Variants in GLRA2 observed in about 807,000 individuals in gnomAD.
GLRA2 encodes the protein glycine receptor subunit alpha-2.
In GLRA2, 11 loss-of-function variants were observed where a neutral mutation model predicts 31.6. That is an observed-to-expected ratio of 0.35 (90% CI 0.22 to 0.58). GLRA2 has a LOEUF of 0.58. GLRA2 is among the 20% of genes least tolerant of loss of function. The probability of loss-of-function intolerance (pLI) is 0.84; values close to 1 mark genes in which losing one functional copy is unlikely to be tolerated. For synonymous variants in GLRA2, 132 were observed against 134.0 expected, an observed-to-expected ratio of 0.99 and a Z score of 0.10; for missense variants, 212 against 351.8, an observed-to-expected ratio of 0.60 and a Z score of 3.18.
chrX:14,532,915 A>T (rs1013055595), intron 2 of GLRA2, among the ~76,000 whole-genome samples: 1 of 110,390 alleles, frequency 9.1e-6, no homozygotes, highest in Non-Finnish European at 1.9e-5. Flanking sequence ...TTTATTTGAA[A>T]TCAACAAAGA....
intron 8 of GLRA2, among the ~76,000 whole-genome samples, chrX:14,704,880 A>G (rs1055082992): frequency 2.7e-5 from 3 of 112,288 alleles, no homozygotes; most frequent in Admixed American, 9.4e-5. Context: ...TCAGAAAAAA[A>G]GTACAAAAAT....
chrX:14,486,639 A>G, the GLRA2 span, among the ~76,000 whole-genome samples: 1 of 112,039 alleles, frequency 8.9e-6, no homozygotes, highest in South Asian at 3.7e-4. Context: ...ATGAGATGAC[A>G]TTTTATGCCT....
intron 6 of GLRA2, among the ~76,000 whole-genome samples, chrX:14,607,702 C>A (rs1165688792): frequency 3.6e-5 from 4 of 111,455 alleles, no homozygotes. Context: ...GGGACAATAA[C>A]ACAGGTCTTT....
At chrX:14,537,564 C>G (rs1446933876) in intron 2 of GLRA2, among the ~76,000 whole-genome samples, 1 of 111,038 alleles carries the variant, frequency 9.0e-6, no homozygotes, top group Non-Finnish European at 1.9e-5. Context: ...AATCCCTTGT[C>G]CAATAACTAT....
At chrX:14,687,653 A>G (rs2091294991) in intron 7 of GLRA2, among the ~76,000 whole-genome samples, 2 of 112,039 alleles carry the variant, frequency 1.8e-5, no homozygotes, top group South Asian at 3.7e-4. Flanking sequence ...TTTCAGCTCT[A>G]TCAGGTCATT....
At chrX:14,550,663 A>G (rs1224784090) in intron 2 of GLRA2, among the ~76,000 whole-genome samples, 2 of 111,637 alleles carry the variant, frequency 1.8e-5, no homozygotes, top group African/African-American at 3.3e-5. Context: ...AGGACAGACC[A>G]CAAAGATTCA....
chrX:14,524,660 T>C (rs1767082204), upstream of GLRA2, among the ~76,000 whole-genome samples: 1 of 111,601 alleles, frequency 9.0e-6, no homozygotes, highest in Non-Finnish European at 1.9e-5. Flanking sequence ...ACACAGGATA[T>C]TGATATATTG....
chrX:14,676,077 C>T (rs745620330), intron 7 of GLRA2, among the ~76,000 whole-genome samples: 2 of 112,496 alleles, frequency 1.8e-5, no homozygotes, highest in South Asian at 7.2e-4. Context: ...CTGTGGCCAA[C>T]AGTTATCTCT....
chrX:14,505,627 G>C, the GLRA2 span, among the ~76,000 whole-genome samples: 1 of 111,907 alleles, frequency 8.9e-6, no homozygotes, highest in Non-Finnish European at 1.9e-5. Flanking sequence ...TTTATTTCTT[G>C]GGATTTCAGT....
chrX:14,583,871 T>A (rs1213987901), intron 4 of GLRA2, among the ~76,000 whole-genome samples: 2 of 112,281 alleles, frequency 1.8e-5, no homozygotes, highest in East Asian at 5.6e-4. Flanking sequence ...GAGGGCATTA[T>A]CCTAAGTGAA....
intron 4 of GLRA2, among the ~76,000 whole-genome samples, chrX:14,590,271 C>A (rs908150436): frequency 9.0e-6 from 1 of 110,973 alleles, no homozygotes; most frequent in African/African-American, 3.3e-5. Context: ...GGGATTGACA[C>A]GCTTTTCCCT....
chrX:14,627,613 C>T (rs939522824), intron 7 of GLRA2, among the ~76,000 whole-genome samples: 2 of 111,329 alleles, frequency 1.8e-5, no homozygotes, highest in Non-Finnish European at 3.8e-5. Flanking sequence ...GTAAATCCTC[C>T]ATCTAGTTCT....
At chrX:14,686,741 C>T (rs1364826767) in intron 7 of GLRA2, among the ~76,000 whole-genome samples, 1 of 111,636 alleles carries the variant, frequency 9.0e-6, no homozygotes, top group Non-Finnish European at 1.9e-5. Flanking sequence ...CTGAATACAG[C>T]ACACTGATGG....
chrX:14,595,380 A>T (rs760933733), intron 4 of GLRA2, among the ~76,000 whole-genome samples: 2 of 111,800 alleles, frequency 1.8e-5, no homozygotes, highest in East Asian at 5.6e-4. Flanking sequence ...CCAACAATTT[A>T]TACACCATTA....
chrX:14,548,827 G>T (rs1279314790), intron 2 of GLRA2, among the ~76,000 whole-genome samples: 2 of 111,707 alleles, frequency 1.8e-5, no homozygotes, highest in Non-Finnish European at 3.8e-5. Flanking sequence ...GTAATTTCAG[G>T]TTCACTTCAT....
chrX:14,693,653 G>A (rs1401510552), intron 8 of GLRA2, among the ~76,000 whole-genome samples: 1 of 112,009 alleles, frequency 8.9e-6, no homozygotes, highest in Admixed American at 9.4e-5. Context: ...TACTTTTCAA[G>A]TCAGAAGAAA....
intron 8 of GLRA2, among the ~76,000 whole-genome samples, chrX:14,697,270 C>T (rs1402903723): frequency 9.0e-6 from 1 of 111,607 alleles, no homozygotes; most frequent in Non-Finnish European, 1.9e-5. Context: ...TTTCCAATAC[C>T]TTGTGTGATT....
chrX:14,620,082 A>G (rs1391394830), intron 7 of GLRA2, among the ~76,000 whole-genome samples: 2 of 108,657 alleles, frequency 1.8e-5, no homozygotes, highest in African/African-American at 6.7e-5. Flanking sequence ...ATAACATTTT[A>G]TAAGTTTCAC....
intron 7 of GLRA2, among the ~76,000 whole-genome samples, chrX:14,664,840 C>G (rs2091023919): frequency 9.0e-6 from 1 of 111,531 alleles, no homozygotes. Context: ...GAAGGAGACA[C>G]TGGGAAGAAA....
Sources: allele counts gnomAD v4.1 joint callset (sites outside exome capture counted in the v4.1 genomes callset), GRCh38; gene constraint gnomAD v4.1.1; transcripts MANE v1.5; gene names NCBI Gene and HGNC (gene_info 2026-07-23, HGNC 2026-07-21).